GALNT3: variants seen among roughly 807,000 people sequenced by gnomAD.
The protein encoded by GALNT3 is polypeptide N-acetylgalactosaminyltransferase 3, also known as GalNAc transferase 3.
Under a neutral mutation model 69.8 loss-of-function variants are expected in GALNT3, and 51 were observed. That is an observed-to-expected ratio of 0.73 (90% CI 0.58 to 0.92). The LOEUF (loss-of-function observed/expected upper bound fraction) is 0.92. Ranked by LOEUF, GALNT3 falls within the 40% of genes least tolerant of loss-of-function variation. The pLI, the probability that GALNT3 is intolerant of heterozygous loss-of-function variation, is 0.00. For synonymous variants in GALNT3, 265 were observed against 248.5 expected (o/e 1.07, Z -0.63); for missense variants, 711 against 760.0 (o/e 0.94, Z 0.76).
Position 165,770,759 on chromosome 2 carries a change from T to A in GALNT3, c.-59A>T. On this transcript the variant is annotated 5_prime_UTR_variant, in exon 2 of 11. Transcript: ENST00000392701. ...CAGTTATTTCTTCTTCTGTTACTTA[T>A]ATTTTTTATCATAGATTTGCTGAGA... 1 of 1,563,604 alleles carries A rather than the reference T, an allele frequency of 6.4e-7. No individual in the cohort carries two copies. Among genetic ancestry groups the A allele is most frequent in the Non-Finnish European group, 8.6e-7 (1 of 1,156,106 alleles).
intron 9 of GALNT3, 117 bp downstream of exon 9, chr2:165,754,510 A>G (rs1688410578): frequency 1.3e-6 from 1 of 773,700 alleles, no homozygotes. Context: ...GTCTGAAAAC[A>G]TTTCACACAC....
chr2:165,770,253 A>T lies in GALNT3; in HGVS notation c.448T>A (p.Phe150Ile). The change falls in exon 2 of 11, where the codon TTT becomes ATT. Residue 150 changes from phenylalanine (F) to isoleucine (I), a missense_variant. Transcript: ENST00000392701. The part of the protein sequence containing the change: ...EKERGEAKHC[F>I]NAFASDRISL... ...ATCCTGTCACTTGCGAAAGCATTAA[A>T]GCAGTGTTTAGCTTCCCCACGTTCC... 6.2e-7 allele frequency: 1 copy of T among 1,614,194 alleles called. No individual in the cohort carries two copies. The highest frequency in any genetic ancestry group is 1.3e-5 in the African/African-American group (1 of 75,054).
intron 3 of GALNT3, among the ~76,000 whole-genome samples, chr2:165,763,436 A>T (rs566572205): frequency 1.4e-4 from 22 of 152,304 alleles, no homozygotes; most frequent in South Asian, 4.1e-4. Context: ...AAATAAATCT[A>T]TCTAAACACT....
At position 165,765,003 on chromosome 2, in the gene GALNT3, A is replaced by G; in HGVS notation, c.569T>C (p.Ile190Thr). Residue 190 changes from isoleucine (I) to threonine (T), a missense_variant, in exon 3 of 11, where the codon ATA becomes ACA. Coordinates refer to ENST00000392701, the MANE Select transcript of GALNT3 (RefSeq NM_004482.4). ...RCPPLPTTSV[I>T]IVFHNEAWST... The stretch of plus-strand genomic sequence containing the variant: ...CCACGCTTCATTATGAAAAACTATT[A>G]TGACACTGGTGGTGGGCAGGGGAGG... 6.2e-7 allele frequency: 1 copy of G among 1,614,212 alleles called. No individual in the cohort carries two copies. The highest frequency in any genetic ancestry group is 8.5e-7 in the Non-Finnish European group (1 of 1,180,016).
intron 4 of GALNT3, chr2:165,761,632 G>C: frequency 1.7e-6 from 1 of 599,634 alleles, no homozygotes; most frequent in Non-Finnish European, 3.0e-6. Context: ...AAAAAAAAGA[G>C]GCAAGGATAA....
Position 165,770,804 on chromosome 2 carries a change from AG to A in GALNT3, c.-105del. 7.9e-7 allele frequency: 1 copy of A among 1,263,068 alleles called. No individual in the cohort carries two copies. The highest frequency in any genetic ancestry group is 1.3e-5 in the South Asian group (1 of 76,188). The allele number at this position is 1,263,068 out of a possible 1,614,324, so 78.2% of individuals were successfully genotyped here. On this transcript the variant is annotated 5_prime_UTR_variant, in exon 2 of 11. Coordinates refer to ENST00000392701, the MANE Select transcript of GALNT3 (RefSeq NM_004482.4). ...CTGAGAAGAAGGTATCTTTAATGGT[AG>A]TACCTATAAACAGAAATGATCGATG...
chr2:165,748,640 T>C lies in GALNT3; in HGVS notation c.*141A>G, dbSNP rs1234363018. On this transcript the variant is annotated 3_prime_UTR_variant, in exon 11 of 11. Transcript: ENST00000392701. Reference sequence around the variant, plus strand: ...GCAGAATTTCTGTAGTAGTGCTACATAAAGATATAAATAAGAAAAATGCAC... The same window carrying C: ...GCAGAATTTCTGTAGTAGTGCTACACAAAGATATAAATAAGAAAAATGCAC... The C allele has an allele frequency of 4.0e-6, 3 of 747,652 alleles. No homozygotes were observed. Among genetic ancestry groups the C allele is most frequent in the Non-Finnish European group, 6.6e-6 (3 of 457,626 alleles). The allele number at this position is 747,652 out of a possible 1,614,324, so 46.3% of individuals were successfully genotyped here.
chr2:165,764,799 TAC>T, intron 3 of GALNT3, 83 bp downstream of exon 3: 2 of 1,349,030 alleles, frequency 1.5e-6, no homozygotes, highest in South Asian at 2.3e-5. Context: ...TGAGATGGCA[TAC>T]AGAGAGTACC....
chr2:165,793,901 C>G (rs1027655255), intron 1 of GALNT3, 114 bp downstream of exon 1: 2 of 137,868 alleles, frequency 1.5e-5, no homozygotes, highest in Non-Finnish European at 3.3e-5. Context: ...CGTCTCCAAC[C>G]GGCCACCTGG....
chr2:165,774,791 C>T (rs1688815323), intron 1 of GALNT3, among the ~76,000 whole-genome samples: 1 of 151,258 alleles, frequency 6.6e-6, no homozygotes, highest in Non-Finnish European at 1.5e-5. Flanking sequence ...TCAGAAACAA[C>T]AACAAAAACA....
intron 3 of GALNT3, 122 bp downstream of exon 3, chr2:165,764,762 A>G (rs1472875981): frequency 7.3e-6 from 7 of 963,180 alleles, no homozygotes; most frequent in Non-Finnish European, 1.2e-5. Flanking sequence ...CACCATACCC[A>G]CTATCCAAAC....
At chr2:165,789,145 C>T (rs889088722) in intron 1 of GALNT3, among the ~76,000 whole-genome samples, 3 of 152,136 alleles carry the variant, frequency 2.0e-5, no homozygotes, top group African/African-American at 7.2e-5. Flanking sequence ...AACAAAATAC[C>T]TTAGACTGGG....
At chr2:165,765,120 C>T in intron 2 of GALNT3, 64 bp from the exon 3 acceptor site, 1 of 1,288,764 alleles carries the variant, frequency 7.8e-7, no homozygotes, top group Non-Finnish European at 1.1e-6. Context: ...CACAGCTATA[C>T]CATTGCTAAC....
At chr2:165,770,088 T>C (rs752520000) in intron 2 of GALNT3, 98 bp downstream of exon 2, 36 of 1,389,050 alleles carry the variant, frequency 2.6e-5, no homozygotes, top group Non-Finnish European at 3.4e-5. Flanking sequence ...ATTTTCTGCC[T>C]TAGAGTAGCT....
chr2:165,787,486 G>C (rs1683248975), intron 1 of GALNT3, among the ~76,000 whole-genome samples: 1 of 152,148 alleles, frequency 6.6e-6, no homozygotes, highest in African/African-American at 2.4e-5. Flanking sequence ...ATCACTCTGG[G>C]TGCAGGGTGA....
At chr2:165,774,909 CTTTTTTTTTTT>C (rs71031204) in intron 1 of GALNT3, among the ~76,000 whole-genome samples, 3 of 104,368 alleles carry the variant, frequency 2.9e-5, no homozygotes, top group Admixed American at 1.1e-4. Flanking sequence ...CTTCTTCTCT[CTTTTTTTTTTT>C]TTTTTTTTTT....
intron 1 of GALNT3, among the ~76,000 whole-genome samples, chr2:165,774,939 T>C (rs1688819580): frequency 7.7e-6 from 1 of 129,160 alleles, no homozygotes; most frequent in Non-Finnish European, 1.6e-5. Flanking sequence ...TTTGTAGAGA[T>C]GAGGTCTCAC....
Position 165,761,945 on chromosome 2 carries a change from T to A in GALNT3, c.798A>T (p.Thr266=). The part of the protein sequence containing the change: ...GLITARLLGA[T]VATAETLTFL... ...ATGTGAGCGTTTCAGCTGTTGCGAC[T>A]GTTGCTCCTAGCAACCGAGCAGTGA... The change falls in exon 4 of 11, where the codon ACA becomes ACT. Residue 266 remains threonine (T), a synonymous_variant. Coordinates refer to ENST00000392701, the MANE Select transcript of GALNT3 (RefSeq NM_004482.4). 6.2e-7 allele frequency: 1 copy of A among 1,614,158 alleles called. No individual in the cohort carries two copies. The highest frequency in any genetic ancestry group is 8.5e-7 in the Non-Finnish European group (1 of 1,179,990).
chr2:165,770,407 C>G lies in GALNT3; in HGVS notation c.294G>C (p.Leu98Phe), dbSNP rs1452251475. Residue 98 changes from leucine (L) to phenylalanine (F), a missense_variant, in exon 2 of 11, where the codon TTG (leucine) becomes TTC (phenylalanine). Coordinates refer to ENST00000392701, the MANE Select transcript of GALNT3 (RefSeq NM_004482.4). ...ATTCTGCTGCTGTATAATATCCTTGCAAACAAGGTCTCTCACCAGCATCAA... is the reference window on the plus strand; with the variant it reads ...ATTCTGCTGCTGTATAATATCCTTGGAAACAAGGTCTCTCACCAGCATCAA... ...QNIDAGERPC[L>F]QGYYTAAELK... The G allele has an allele frequency of 6.2e-7, 1 of 1,614,110 alleles. No homozygotes were observed. The highest frequency in any genetic ancestry group is 2.2e-5 in the East Asian group (1 of 44,902).
Sources: gnomAD v4.1 joint callset for allele counts (sites outside exome capture counted in the v4.1 genomes callset) on GRCh38, gnomAD v4.1.1 for gene constraint, MANE v1.5 for transcripts, NCBI Gene and HGNC (gene_info 2026-07-23, HGNC 2026-07-21) for gene names.